RBFOX1: variants seen among roughly 807,000 people sequenced by gnomAD.
RBFOX1 encodes RNA binding protein fox-1 homolog 1.
RBFOX1 carries 8 observed loss-of-function variants against 57.7 expected under a neutral mutation model. The ratio of observed to expected loss-of-function variants is 0.14; its 90% CI spans 0.08 to 0.25. The LOEUF is 0.25. RBFOX1 is among the 10% of genes least tolerant of loss of function. The pLI is 1.00. For missense variants in RBFOX1, 611 were observed against 548.5 expected (o/e 1.11, Z -1.14); for synonymous variants, 326 against 222.4 (o/e 1.47, Z -4.15).
chr16:5,356,309 A>G (rs769542710), intron 1 of RBFOX1, among the ~76,000 whole-genome samples: 1 of 152,218 alleles, frequency 6.6e-6, no homozygotes, highest in African/African-American at 2.4e-5. Flanking sequence ...CTTCTAGGCT[A>G]CAGAACTGTG....
intron 3 of RBFOX1, among the ~76,000 whole-genome samples, chr16:6,968,059 G>C (rs1011179511): frequency 6.6e-6 from 1 of 152,080 alleles, no homozygotes; most frequent in Non-Finnish European, 1.5e-5. Context: ...GAGGTGCTTG[G>C]GTCTGACCCT....
intron 3 of RBFOX1, among the ~76,000 whole-genome samples, chr16:6,971,243 T>A (rs966098015): frequency 6.6e-6 from 1 of 152,132 alleles, no homozygotes; most frequent in Non-Finnish European, 1.5e-5. Flanking sequence ...TGAATTGTTA[T>A]GGGGATGGGA....
intron 2 of RBFOX1, among the ~76,000 whole-genome samples, chr16:6,431,957 C>CTT (rs2094112304): frequency 1.7e-5 from 2 of 117,360 alleles, no homozygotes; most frequent in African/African-American, 3.2e-5. Context: ...TTCTTTCTTT[C>CTT]TTTCTTTTTC....
At chr16:5,426,667 C>T (rs945059265) in intron 1 of RBFOX1, among the ~76,000 whole-genome samples, 7 of 152,340 alleles carry the variant, frequency 4.6e-5, no homozygotes, top group South Asian at 4.1e-4. Flanking sequence ...AATTGACTCT[C>T]TCTGGAGAGG....
At chr16:5,923,647 T>G (rs1204854763) in intron 4 of RBFOX1, among the ~76,000 whole-genome samples, 1 of 151,684 alleles carries the variant, frequency 6.6e-6, no homozygotes, top group Admixed American at 6.6e-5. Flanking sequence ...GTTCATACAT[T>G]TCTCCTGCCT....
At chr16:6,585,333 T>C (rs9929661) in intron 2 of RBFOX1, among the ~76,000 whole-genome samples, 16,017 of 152,206 alleles carry the variant, frequency 0.11, 1,201 homozygotes, top group East Asian at 0.39. Context: ...CACACATTTA[T>C]GGTGTGAGGA....
At chr16:6,709,206 T>G (rs1402009913) in intron 3 of RBFOX1, among the ~76,000 whole-genome samples, 1 of 152,174 alleles carries the variant, frequency 6.6e-6, no homozygotes, top group Non-Finnish European at 1.5e-5. Context: ...TTTAAAAGGT[T>G]GCACAAGTAT....
intron 2 of RBFOX1, among the ~76,000 whole-genome samples, chr16:5,478,869 G>C (rs569911166): frequency 1.3e-5 from 2 of 152,252 alleles, no homozygotes; most frequent in South Asian, 4.2e-4. Flanking sequence ...TAAGATCTCT[G>C]CTGCTGTCAG....
intron 4 of RBFOX1, among the ~76,000 whole-genome samples, chr16:5,990,738 C>T (rs967433344): frequency 1.2e-4 from 18 of 152,306 alleles, no homozygotes; most frequent in African/African-American, 3.8e-4. Context: ...AAGGCTGAGG[C>T]GGGCAGATCG....
At chr16:6,656,597 T>C (rs1363395128) in intron 3 of RBFOX1, among the ~76,000 whole-genome samples, 7 of 87,752 alleles carry the variant, frequency 8.0e-5, no homozygotes, top group Non-Finnish European at 1.7e-4. Context: ...AAGGGGAAAA[T>C]AGACACACAC....
downstream of RBFOX1, among the ~76,000 whole-genome samples, chr16:5,604,407 A>T (rs2047487260): frequency 6.6e-6 from 1 of 152,120 alleles, no homozygotes; most frequent in Non-Finnish European, 1.5e-5. Context: ...TGGTTGTTGG[A>T]ATAATTCAAT....
At chr16:6,495,496 T>C (rs2095746023) in intron 2 of RBFOX1, among the ~76,000 whole-genome samples, 3 of 152,280 alleles carry the variant, frequency 2.0e-5, no homozygotes, top group African/African-American at 7.2e-5. Flanking sequence ...GTGGGTTGGC[T>C]GAGACAGTAA....
intron 14 of RBFOX1, among the ~76,000 whole-genome samples, chr16:7,700,047 C>G (rs2080153684): frequency 6.6e-6 from 1 of 152,040 alleles, no homozygotes; most frequent in African/African-American, 2.4e-5. Flanking sequence ...GTTCAGGGCC[C>G]AGAACCTCCC....
At chr16:6,883,760 G>C (rs748067302) in intron 3 of RBFOX1, among the ~76,000 whole-genome samples, 5 of 151,768 alleles carry the variant, frequency 3.3e-5, no homozygotes, top group Non-Finnish European at 7.4e-5. Context: ...TCTTATAGAT[G>C]TTGTGAGCTG....
Position 6,934,217 on chromosome 16 carries a change from T to C in RBFOX1, c.-15-117840T>C, listed in dbSNP as rs536824667. 1.7e-4 allele frequency among the ~76,000 whole-genome samples: 26 copies of C among 152,322 alleles called. 1 individual carries two copies. The South Asian group carries it at 5.4e-3, about 32-fold the overall frequency. Reference sequence around the variant, plus strand: ...GTTCCTGGTCTAGGGATTCTTGCTATAGAACTACAGAGCGGTAACTTGAGT... The same window carrying C: ...GTTCCTGGTCTAGGGATTCTTGCTACAGAACTACAGAGCGGTAACTTGAGT... On this transcript the variant is annotated intron_variant, in intron 3 of 15. Coordinates refer to ENST00000550418, the MANE Select transcript of RBFOX1 (RefSeq NM_018723.4).
At chr16:5,323,700 C>T (rs186245456) in intron 1 of RBFOX1, among the ~76,000 whole-genome samples, 1 of 152,230 alleles carries the variant, frequency 6.6e-6, no homozygotes, top group East Asian at 1.9e-4. Context: ...CTTCAAAAGC[C>T]AGCTGATGAG....
chr16:5,471,525 A>T (rs2069134978), intron 2 of RBFOX1, among the ~76,000 whole-genome samples: 1 of 152,116 alleles, frequency 6.6e-6, no homozygotes, highest in Non-Finnish European at 1.5e-5. Flanking sequence ...CCAGGTGGGA[A>T]GGAGAAGAAA....
At chr16:5,858,016 G>A (rs1202555783) in intron 3 of RBFOX1, among the ~76,000 whole-genome samples, 1 of 152,096 alleles carries the variant, frequency 6.6e-6, no homozygotes, top group Non-Finnish European at 1.5e-5. Context: ...TTTCCAATAT[G>A]TAGAAGAGAC....
intron 4 of RBFOX1, among the ~76,000 whole-genome samples, chr16:7,439,324 C>T (rs1269875034): frequency 6.6e-6 from 1 of 150,546 alleles, no homozygotes; most frequent in African/African-American, 2.5e-5. Context: ...CATGGAACGT[C>T]ATGAGTCTGT....
Sources: gnomAD v4.1 joint callset for allele counts (sites outside exome capture counted in the v4.1 genomes callset) on GRCh38, gnomAD v4.1.1 for gene constraint, MANE v1.5 for transcripts, NCBI Gene and HGNC (gene_info 2026-07-23, HGNC 2026-07-21) for gene names.